The following NYNRIN variants were observed in gnomAD, a reference collection of about 807,000 sequenced individuals.
NYNRIN encodes the protein NYN domain and retroviral integrase containing.
NYNRIN carries 86 observed loss-of-function variants against 146.6 expected under a neutral mutation model. The ratio of observed to expected loss-of-function variants is 0.59; its 90% confidence interval spans 0.49 to 0.70. The LOEUF (loss-of-function observed/expected upper bound fraction) is 0.70, where lower values mean the gene tolerates loss of function less well. Ranked by LOEUF, NYNRIN falls within the 30% of genes least tolerant of loss-of-function variation. The pLI, the probability that NYNRIN is intolerant of heterozygous loss-of-function variation, is 0.00. For missense variants in NYNRIN, 2,191 were observed against 2,377.7 expected (o/e 0.92, Z 1.63); for synonymous variants, 1,027 against 1,001.3 (o/e 1.03, Z -0.48).
chr14:24,413,179 G>A, intron 7 of NYNRIN, 81 bp downstream of exon 7: 1 of 1,346,854 alleles, frequency 7.4e-7, no homozygotes, highest in Non-Finnish European at 1.0e-6. Flanking sequence ...ATTAGGGCTG[G>A]AAGAGAGGCC....
rs369114620 is a variant in NYNRIN at position 24,415,363 on chromosome 14, G to A, written c.3614G>A (p.Gly1205Glu). 2 of 1,613,848 alleles carry A rather than the reference G, an allele frequency of 1.2e-6. No individual in the cohort carries two copies. Among genetic ancestry groups the A allele is most frequent in the Admixed American group, 3.3e-5 (2 of 60,006 alleles). The change falls in exon 9 of 9, where the codon GGG becomes GAG. Residue 1205 changes from glycine to glutamate, a missense_variant. This residue lies in a region of NYNRIN where 1,291 missense variants were observed against 1,417.0 expected (regional missense o/e 0.91). Coordinates refer to ENST00000382554, the MANE Select transcript of NYNRIN (RefSeq NM_025081.3). ...GAGGAGAGCCAGGGCCCCCAGTCAG[G>A]GGGTGACAGCCCCTATGCTGTGGCC... Reference protein sequence around the residue: ...PDEESQGPQSGGDSPYAVAWA... With the variant: ...PDEESQGPQSEGDSPYAVAWA...
chr14:24,401,854 C>T (rs1594736668), intron 2 of NYNRIN, among the ~76,000 whole-genome samples: 1 of 152,172 alleles, frequency 6.6e-6, no homozygotes, highest in Non-Finnish European at 1.5e-5. Flanking sequence ...TGAGGTCCAG[C>T]GATCTGACAC....
chr14:24,410,046 C>T lies in NYNRIN; in HGVS notation c.2252C>T (p.Ala751Val). The change falls in exon 4 of 9, where the codon GCC becomes GTC. Residue 751 changes from alanine (A) to valine (V), a missense_variant. By Grantham distance (64) the Ala-to-Val change is moderately conservative. Around this residue, in one of 3 missense-constraint regions of NYNRIN, gnomAD observed 895 missense variants for 941.2 expected, o/e 0.95. Transcript: ENST00000382554. ...GGGCTCCTGGGGGCTTGGGAGGGGG[C>T]CCCAAGGCAGCCACCTCGCCACCTG... ...MEGLLGAWEG[A>V]PRQPPRHLQA... 1 of 1,613,900 alleles carries T rather than the reference C, an allele frequency of 6.2e-7. No individual in the cohort carries two copies.
chr14:24,406,247 A>ATAAAATAAAATAAAAT (rs1566483715), intron 2 of NYNRIN, among the ~76,000 whole-genome samples: 1 of 151,034 alleles, frequency 6.6e-6, no homozygotes, highest in African/African-American at 2.4e-5. Context: ...AAAATAAAAT[A>ATAAAATAAAATAAAAT]AAATATTGGA....
chr14:24,408,485 C>T lies in NYNRIN; in HGVS notation c.815C>T (p.Thr272Ile), dbSNP rs1280212608. The change falls in exon 3 of 9, where the codon ACA (threonine) becomes ATA (isoleucine). Residue 272 changes from threonine (T) to isoleucine (I), a missense_variant. Physicochemically the swap from Thr to Ile is moderately conservative, Grantham distance 89. This residue lies in a region of NYNRIN where 895 missense variants were observed against 941.2 expected (regional missense o/e 0.95). Coordinates refer to ENST00000382554, the MANE Select transcript of NYNRIN (RefSeq NM_025081.3). ...CTGGGAGCCACTGGGTCCCTGATCA[C>T]AGCCCAGAGCACACCGCAGGAGGCA... is the stretch of plus-strand genomic sequence containing the variant. ...SSLGATGSLI[T>I]AQSTPQEAAN... is the part of the protein sequence containing the mutation. 1 of 1,600,796 alleles carries T rather than the reference C, an allele frequency of 6.2e-7. No individual in the cohort carries two copies. The highest frequency in any genetic ancestry group is 8.5e-7 in the Non-Finnish European group (1 of 1,172,472).
At position 24,399,042 on chromosome 14, in the gene NYNRIN, C is replaced by G. The variant is rs1463126895; in HGVS notation, c.-62C>G. The G allele has an allele frequency of 5.7e-6, 3 of 521,926 alleles. No homozygotes were observed. Among genetic ancestry groups the G allele is most frequent in the South Asian group, 5.0e-5 (2 of 40,198 alleles). The allele number at this position is 521,926 out of a possible 1,614,324, so 32.3% of individuals were successfully genotyped here. A position where few individuals can be genotyped will look rare whatever the true frequency, so the allele number is the denominator to read the frequency against. ...AAGAGCTCGTCGCGGTAGCAGCGGTCGAAGGGGACCAAGCTCCAGAGGGCG... is the reference window on the plus strand; with the variant it reads ...AAGAGCTCGTCGCGGTAGCAGCGGTGGAAGGGGACCAAGCTCCAGAGGGCG... On this transcript the variant is annotated 5_prime_UTR_variant, in exon 1 of 9. Coordinates refer to ENST00000382554, the MANE Select transcript of NYNRIN (RefSeq NM_025081.3).
rs2042958540 is a variant in NYNRIN at position 24,417,747 on chromosome 14, A to G, written c.*301A>G. 3.1e-6 allele frequency: 1 copy of G among 320,104 alleles called. No individual in the cohort carries two copies. Among genetic ancestry groups the G allele is most frequent in the African/African-American group, 2.1e-5 (1 of 46,978 alleles). The allele number at this position is 320,104 out of a possible 1,614,324, so 19.8% of individuals were successfully genotyped here. On this transcript the variant is annotated 3_prime_UTR_variant, in exon 9 of 9. Coordinates refer to ENST00000382554, the MANE Select transcript of NYNRIN (RefSeq NM_025081.3). The stretch of plus-strand genomic sequence containing the variant: ...TACCAGGCTCAGTGTCTTCTCCCCA[A>G]GTATCCTCTTTCCCCTTCACATGTA...
chr14:24,418,293 CCT>C lies in NYNRIN; in HGVS notation c.*850_*851del, dbSNP rs1160076291. ...CTTCTGTTAGACCCAGGGGCCCCGG[CCT>C]CTGTTTTAAGGGGGCAGGGCGTCTG... On this transcript the variant is annotated 3_prime_UTR_variant, in exon 9 of 9. Coordinates refer to ENST00000382554, the MANE Select transcript of NYNRIN (RefSeq NM_025081.3). 1.5e-5 allele frequency: 7 copies of C among 456,290 alleles called. No homozygotes were observed. The highest frequency in any genetic ancestry group is 1.4e-4 in the African/African-American group (7 of 50,056). The allele number at this position is 456,290 out of a possible 1,614,324, so 28.3% of individuals were successfully genotyped here.
Position 24,413,048 on chromosome 14 carries a change from G to A in NYNRIN, c.2694G>A (p.Glu898=), listed in dbSNP as rs1433594010. The A allele has an allele frequency of 2.5e-6, 4 of 1,602,596 alleles. No individual in the cohort carries two copies. The Admixed American group carries it at 6.9e-5, about 27-fold the overall frequency. The change falls in exon 7 of 9, where the codon GAG becomes GAA. Residue 898 remains glutamate (E), a synonymous_variant. Transcript: ENST00000382554. ...CAGATGGCATCATTGTCACCAATGA[G>A]CAGATTCACATCCTGATGAATAGTT... The part of the protein sequence containing the change: ...EETDGIIVTN[E]QIHILMNSSK...
Position 24,408,847 on chromosome 14 carries a change from C to G in NYNRIN, c.1053C>G (p.Thr351=). The change falls in exon 4 of 9, where the codon ACC becomes ACG. Residue 351 remains threonine, a synonymous_variant. Transcript: ENST00000382554. ...LGVCPPWKAW[T]PGPAFGPLWP... The stretch of plus-strand genomic sequence containing the variant: ...TGTGCCCACCCTGGAAGGCCTGGAC[C>G]CCGGGGCCAGCCTTTGGGCCATTGT... 6.2e-7 allele frequency: 1 copy of G among 1,614,034 alleles called. No homozygotes were observed. The highest frequency in any genetic ancestry group is 8.5e-7 in the Non-Finnish European group (1 of 1,179,890).
Position 24,409,041 on chromosome 14 carries a change from G to A in NYNRIN, c.1247G>A (p.Trp416Ter). The change falls in exon 4 of 9, where the codon TGG (tryptophan) becomes TAG (stop). Residue 416 changes from tryptophan to a stop codon, truncating the protein, a stop_gained. Coordinates refer to ENST00000382554, the MANE Select transcript of NYNRIN (RefSeq NM_025081.3). LOFTEE classifies it high-confidence loss of function. ...AATCCTTTGCCCTTAAATCTGGAGT[G>A]GAAGCAGAAGGAGCTGGCTCCTCTG... ...GQNPLPLNLE[W>*]KQKELAPLPS... The A allele has an allele frequency of 6.2e-7, 1 of 1,613,270 alleles. No homozygotes were observed. The highest frequency in any genetic ancestry group is 8.5e-7 in the Non-Finnish European group (1 of 1,179,608).
In NYNRIN at chr14:24,416,543, G is replaced by A. The variant is rs2042948850; in HGVS notation, c.4794G>A (p.Glu1598=). The A allele has an allele frequency of 6.2e-7, 1 of 1,613,850 alleles. No homozygotes were observed. The highest frequency in any genetic ancestry group is 1.3e-5 in the African/African-American group (1 of 74,928). The change falls in exon 9 of 9, where the codon GAG becomes GAA. Residue 1598 remains glutamate (E), a synonymous_variant. Transcript: ENST00000382554. ...FCIPRNLIGS[E]LKVIESPWPL... ...TCCCCCGAAATCTCATAGGCAGCGA[G>A]TTGAAGGTTATTGAGTCCCCATGGC... is the stretch of plus-strand genomic sequence containing the variant.
At position 24,417,469 on chromosome 14, in the gene NYNRIN, C is replaced by A; in HGVS notation, c.*23C>A. 1 of 1,449,528 alleles carries A rather than the reference C, an allele frequency of 6.9e-7. No homozygotes were observed. Among genetic ancestry groups the A allele is most frequent in the South Asian group, 1.5e-5 (1 of 68,012 alleles). 89.8% of individuals were successfully genotyped at this position (1,449,528 alleles called of 1,614,324 possible). On this transcript the variant is annotated 3_prime_UTR_variant, in exon 9 of 9. Coordinates refer to ENST00000382554, the MANE Select transcript of NYNRIN (RefSeq NM_025081.3). ...TGAGCGGGAGCAGCGGGGGTGCCCC[C>A]TGCCCCAGGGCCGTGGGTTTCTGCT...
At chr14:24,399,562 C>T (rs2042827908) in intron 2 of NYNRIN, 118 bp downstream of exon 2, 1 of 911,978 alleles carries the variant, frequency 1.1e-6, no homozygotes. Context: ...CTGGATTTGG[C>T]AGTGTGGCAG....
intron 8 of NYNRIN, 112 bp downstream of exon 8, chr14:24,413,529 T>G: frequency 1.5e-6 from 1 of 678,316 alleles, no homozygotes; most frequent in Non-Finnish European, 2.4e-6. Context: ...GATCTGACTT[T>G]TTCATGTCTT....
chr14:24,414,915 C>G lies in NYNRIN; in HGVS notation c.3166C>G (p.Leu1056Val). The change falls in exon 9 of 9, where the codon CTC becomes GTC. Residue 1056 changes from leucine to valine, a missense_variant. By Grantham distance (32) the Leu-to-Val change is conservative. Around this residue, in one of 3 missense-constraint regions of NYNRIN, gnomAD observed 1,291 missense variants for 1,417.0 expected, o/e 0.91. Transcript: ENST00000382554. ...CCCTGATGGGGCCCTGGACATCGAC[C>G]TCCTGCCAGGGGCAGCTTCTCCCTA... is the stretch of plus-strand genomic sequence containing the variant. ...DPPDGALDID[L>V]LPGAASPYLG... The G allele has an allele frequency of 1.9e-6, 3 of 1,603,206 alleles. No individual in the cohort carries two copies. Among genetic ancestry groups the G allele is most frequent in the Non-Finnish European group, 2.6e-6 (3 of 1,171,678 alleles).
Position 24,409,278 on chromosome 14 carries a change from C to G in NYNRIN, c.1484C>G (p.Pro495Arg), listed in dbSNP as rs367907615. ...STPQLQAGGE[P>R]GDQGSMQLDF... ...CCCCAACTACAGGCTGGAGGTGAGC[C>G]GGGGGATCAAGGGAGTATGCAGTTA... Residue 495 changes from proline (P) to arginine (R), a missense_variant, in exon 4 of 9, where the codon CCG becomes CGG. Physicochemically the swap from Pro to Arg is moderately radical, Grantham distance 103. Around this residue, in one of 3 missense-constraint regions of NYNRIN, gnomAD observed 895 missense variants for 941.2 expected, o/e 0.95. Transcript: ENST00000382554. 7.4e-6 allele frequency: 12 copies of G among 1,613,898 alleles called. No homozygotes were observed. The highest frequency in any genetic ancestry group is 1.7e-5 in the Admixed American group (1 of 60,008).
At position 24,409,552 on chromosome 14, in the gene NYNRIN, C is replaced by T. The variant is rs111877721; in HGVS notation, c.1758C>T (p.Pro586=). ...CAGTGCACACAGAGCCTGCAGCTCCCGAAGTGCCTTTGGCTCCAACAAAGC... is the reference window on the plus strand; with the variant it reads ...CAGTGCACACAGAGCCTGCAGCTCCTGAAGTGCCTTTGGCTCCAACAAAGC... ...MLAVHTEPAA[P]EVPLAPTKPT... is the part of the protein sequence containing the mutation. The change falls in exon 4 of 9, where the codon CCC becomes CCT. Residue 586 remains proline (P), a synonymous_variant. Coordinates refer to ENST00000382554, the MANE Select transcript of NYNRIN (RefSeq NM_025081.3). 90 of 1,611,842 alleles carry T rather than the reference C, an allele frequency of 5.6e-5. No homozygotes were observed. In the African/African-American group the frequency reaches 8.7e-4, roughly 16 times the overall value.
At chr14:24,400,844 C>T (rs1355027842) in intron 2 of NYNRIN, among the ~76,000 whole-genome samples, 9 of 149,058 alleles carry the variant, frequency 6.0e-5, no homozygotes, top group Non-Finnish European at 1.3e-4. Flanking sequence ...AGTGCAATGG[C>T]GTGGTCTTGG....
Sources: allele counts gnomAD v4.1 joint callset (sites outside exome capture counted in the v4.1 genomes callset), GRCh38; gene constraint gnomAD v4.1.1; regional missense constraint gnomAD v4.1.1; transcripts MANE v1.5; gene names NCBI Gene and HGNC (gene_info 2026-07-23, HGNC 2026-07-21).